Variants in ADAMTS5 observed in about 807,000 individuals in gnomAD.
The protein encoded by ADAMTS5 is ADAM metallopeptidase with thrombospondin type 1 motif 5.
In ADAMTS5, 54 loss-of-function variants were observed where a neutral mutation model predicts 81.4. The observed-to-expected ratio is 0.66, with a 90% CI of 0.53 to 0.83. ADAMTS5 has a LOEUF of 0.83. Ranked by LOEUF, ADAMTS5 falls within the 40% of genes least tolerant of loss-of-function variation. The pLI, the probability that ADAMTS5 is intolerant of heterozygous loss-of-function variation, is 0.00. For synonymous variants in ADAMTS5, 532 were observed against 508.8 expected (o/e 1.05, Z -0.61); for missense variants, 1,194 against 1,229.9 (o/e 0.97, Z 0.44).
Position 26,965,332 on chromosome 21 carries a change from C to A in ADAMTS5, c.1060G>T (p.Asp354Tyr), listed in dbSNP as rs776353849. ...GCTGCATCGTAGTGCTCCTCATGGT[C>A]ATCTCCCAGCTGGTTGTGTTGGTGC... is the stretch of plus-strand genomic sequence containing the variant. ...WQHQHNQLGDDHEEHYDAAIL... is the reference protein window; with the variant it reads ...WQHQHNQLGDYHEEHYDAAIL... The change falls in exon 1 of 8, where the codon GAC (aspartate) becomes TAC (tyrosine). Residue 354 changes from aspartate (D) to tyrosine (Y), a missense_variant. Asp to Tyr is a radical substitution (Grantham distance 160, BLOSUM62 -3). This residue lies in a region of ADAMTS5 where 696 missense variants were observed against 817.6 expected (regional missense o/e 0.85). Coordinates refer to ENST00000284987, the MANE Select transcript of ADAMTS5 (RefSeq NM_007038.5). 2 of 1,614,066 alleles carry A rather than the reference C, an allele frequency of 1.2e-6. No homozygotes were observed. The highest frequency in any genetic ancestry group is 4.5e-5 in the East Asian group (2 of 44,896).
chr21:26,942,923 C>T (rs534562483), intron 3 of ADAMTS5, among the ~76,000 whole-genome samples: 2 of 152,286 alleles, frequency 1.3e-5, no homozygotes, highest in South Asian at 2.1e-4. Context: ...AAAGCTTCCT[C>T]TTCTGGGCTT....
chr21:26,929,033 A>T (rs943246552), intron 7 of ADAMTS5, among the ~76,000 whole-genome samples: 3 of 152,210 alleles, frequency 2.0e-5, no homozygotes, highest in African/African-American at 7.2e-5. Flanking sequence ...TTTAACTCAG[A>T]ATAAATTTTT....
intron 6 of ADAMTS5, among the ~76,000 whole-genome samples, chr21:26,931,744 C>T (rs1986911403): frequency 6.6e-6 from 1 of 152,212 alleles, no homozygotes; most frequent in Admixed American, 6.5e-5. Context: ...CCTTCCTTGA[C>T]AGTGAGTTAC....
intron 3 of ADAMTS5, among the ~76,000 whole-genome samples, chr21:26,935,402 A>G (rs1374478948): frequency 6.6e-6 from 1 of 152,232 alleles, no homozygotes; most frequent in Non-Finnish European, 1.5e-5. Flanking sequence ...AGGCCTTCCA[A>G]TAAAGTCACA....
chr21:26,943,311 T>G, intron 3 of ADAMTS5, 69 bp downstream of exon 3: 1 of 1,401,584 alleles, frequency 7.1e-7, no homozygotes. Context: ...TATGAGGATA[T>G]AATGAAGTCA....
intron 3 of ADAMTS5, among the ~76,000 whole-genome samples, chr21:26,942,016 T>A (rs912783189): frequency 8.1e-4 from 120 of 149,066 alleles, no homozygotes; most frequent in African/African-American, 2.6e-3. Flanking sequence ...TATTGACATA[T>A]TTTTTCAACT....
chr21:26,925,903 C>A (rs1986797754), intron 7 of ADAMTS5, among the ~76,000 whole-genome samples: 1 of 152,232 alleles, frequency 6.6e-6, no homozygotes, highest in Admixed American at 6.5e-5. Flanking sequence ...GTTCCTTATT[C>A]TGTCTAACTC....
intron 2 of ADAMTS5, among the ~76,000 whole-genome samples, chr21:26,951,576 G>T (rs967478579): frequency 6.6e-5 from 10 of 150,816 alleles, no homozygotes; most frequent in South Asian, 2.1e-4. Flanking sequence ...CTGCTTGGGG[G>T]GCTGAGGCAG....
In ADAMTS5 at chr21:26,965,756, G is replaced by C; in HGVS notation, c.636C>G (p.Pro212=). The part of the protein sequence containing the change: ...ALPPRASCET[P]ASTPEAHEHA... ...GCTCGTGGGCCTCCGGTGTGGACGC[G>C]GGGGTTTCGCAGCTGGCGCGCGGCG... The change falls in exon 1 of 8, where the codon CCC becomes CCG. Residue 212 remains proline, a synonymous_variant. Coordinates refer to ENST00000284987, the MANE Select transcript of ADAMTS5 (RefSeq NM_007038.5). The C allele has an allele frequency of 1.3e-6, 2 of 1,598,736 alleles. No homozygotes were observed. Among genetic ancestry groups the C allele is most frequent in the South Asian group, 1.1e-5 (1 of 88,702 alleles).
At position 26,966,472 on chromosome 21, in the gene ADAMTS5, G is replaced by A. The variant is rs1217437510; in HGVS notation, c.-81C>T. ...TTTGCTATGAAGTTAACGGGGCGGG[G>A]GATGGGGACACACACACACTTGCTT... On this transcript the variant is annotated 5_prime_UTR_variant, in exon 1 of 8. Transcript: ENST00000284987. 1 of 1,339,220 alleles carries A rather than the reference G, an allele frequency of 7.5e-7. No homozygotes were observed. Among genetic ancestry groups the A allele is most frequent in the Non-Finnish European group, 9.6e-7 (1 of 1,040,302 alleles). The allele number at this position is 1,339,220 out of a possible 1,614,324, so 83.0% of individuals were successfully genotyped here. A position where few individuals can be genotyped will look rare whatever the true frequency, so the allele number is the denominator to read the frequency against.
Position 26,919,721 on chromosome 21 carries a change from T to C in ADAMTS5, c.*4332A>G, listed in dbSNP as rs1466287454. The C allele has an allele frequency of 6.6e-6, 1 of 152,090 alleles. No homozygotes were observed. The highest frequency in any genetic ancestry group is 6.6e-5 in the Admixed American group (1 of 15,248). 9.4% of individuals were successfully genotyped at this position (152,090 alleles called of 1,614,324 possible). On this transcript the variant is annotated 3_prime_UTR_variant, in exon 8 of 8. Transcript: ENST00000284987. Reference sequence around the variant, plus strand: ...GTTTATATGCATCATGATGATATAATTTGAGAAATTATCTCTATAGATTAT... The same window carrying C: ...GTTTATATGCATCATGATGATATAACTTGAGAAATTATCTCTATAGATTAT...
chr21:26,959,617 CTATGCTG>C (rs1987490766), intron 1 of ADAMTS5, among the ~76,000 whole-genome samples: 1 of 152,088 alleles, frequency 6.6e-6, no homozygotes, highest in African/African-American at 2.4e-5. Context: ...GGTTTTCTCT[CTATGCTG>C]TGTTGGAAAA....
At chr21:26,955,591 C>T (rs984664989) in intron 1 of ADAMTS5, among the ~76,000 whole-genome samples, 1 of 152,132 alleles carries the variant, frequency 6.6e-6, no homozygotes, top group Non-Finnish European at 1.5e-5. Flanking sequence ...CAAATAGGAA[C>T]ATGATTCCAC....
Position 26,966,517 on chromosome 21 carries a change from C to T in ADAMTS5, c.-126G>A, listed in dbSNP as rs536444779. ...TTGCTTGCAGGATTGAGTCAAGTGT[C>T]GGAGGGAGGGGGGCCCGGCAGCAGC... On this transcript the variant is annotated 5_prime_UTR_variant, in exon 1 of 8. Transcript: ENST00000284987. The T allele has an allele frequency of 2.0e-6, 2 of 980,340 alleles. No homozygotes were observed. The highest frequency in any genetic ancestry group is 3.4e-5 in the East Asian group (1 of 29,626). 60.7% of individuals were successfully genotyped at this position (980,340 alleles called of 1,614,324 possible). A position where few individuals can be genotyped will look rare whatever the true frequency, so the allele number is the denominator to read the frequency against.
chr21:26,925,049 C>T (rs999080394), intron 7 of ADAMTS5, among the ~76,000 whole-genome samples: 1 of 152,276 alleles, frequency 6.6e-6, no homozygotes, highest in Non-Finnish European at 1.5e-5. Flanking sequence ...TTTAATATTT[C>T]TCAGATTGCT....
intron 2 of ADAMTS5, among the ~76,000 whole-genome samples, chr21:26,945,150 G>GAA (rs11303368): frequency 1.2e-3 from 171 of 139,244 alleles, no homozygotes; most frequent in East Asian, 2.8e-3. Context: ...ACAGCTCACA[G>GAA]AAAAAAAAAA....
At position 26,932,953 on chromosome 21, in the gene ADAMTS5, C is replaced by T. The variant is rs776228705; in HGVS notation, c.1781G>A (p.Cys594Tyr). The change falls in exon 5 of 8, where the codon TGT becomes TAT. Residue 594 changes from cysteine to tyrosine, a missense_variant. Physicochemically the swap from Cys to Tyr is radical, Grantham distance 194. This residue lies in a region of ADAMTS5 where 696 missense variants were observed against 817.6 expected (regional missense o/e 0.85). Transcript: ENST00000284987. ...GGGVQFAYRH[C>Y]NNPAPRNNGR... ...GTTGTTTCTGGGAGCAGGGTTATTA[C>T]AGTGACGATAGGCAAACTGCACTCC... is the stretch of plus-strand genomic sequence containing the variant. 2 of 1,613,922 alleles carry T rather than the reference C, an allele frequency of 1.2e-6. No individual in the cohort carries two copies. Among genetic ancestry groups the T allele is most frequent in the Non-Finnish European group, 1.7e-6 (2 of 1,180,018 alleles).
intron 2 of ADAMTS5, among the ~76,000 whole-genome samples, chr21:26,953,456 C>T (rs162509): frequency 6.6e-6 from 1 of 151,938 alleles, no homozygotes; most frequent in Admixed American, 6.6e-5. Flanking sequence ...TGTTTTACTG[C>T]GGCAATATTG....
At position 26,919,820 on chromosome 21, in the gene ADAMTS5, A is replaced by T. The variant is rs1986656501; in HGVS notation, c.*4233T>A. On this transcript the variant is annotated 3_prime_UTR_variant, in exon 8 of 8. Transcript: ENST00000284987. ...GTTGATCTATCTGTTTGATAACCTA[A>T]AACTATAGATTGTTGGCAAATGAGA... 6.6e-6 allele frequency: 1 copy of T among 152,094 alleles called. No individual in the cohort carries two copies. The highest frequency in any genetic ancestry group is 2.4e-5 in the African/African-American group (1 of 41,444). The allele number at this position is 152,094 out of a possible 1,614,324, so 9.4% of individuals were successfully genotyped here.
Sources: allele counts gnomAD v4.1 joint callset (sites outside exome capture counted in the v4.1 genomes callset), GRCh38; gene constraint gnomAD v4.1.1; regional missense constraint gnomAD v4.1.1; transcripts MANE v1.5; gene names NCBI Gene and HGNC (gene_info 2026-07-23, HGNC 2026-07-21).